ADAM10: variants seen among roughly 807,000 people sequenced by gnomAD.
ADAM10 encodes disintegrin and metalloproteinase domain-containing protein 10.
Under a neutral mutation model 90.1 loss-of-function variants are expected in ADAM10, and 17 were observed. The observed-to-expected ratio is 0.19, with a 90% CI of 0.13 to 0.28. ADAM10 has a LOEUF of 0.28. Among genes scored for constraint, ADAM10 ranks in the 10% least tolerant of loss-of-function variants. The probability of loss-of-function intolerance (pLI) is 1.00; values close to 1 mark genes in which losing one functional copy is unlikely to be tolerated. For synonymous variants in ADAM10, 310 were observed against 298.6 expected (o/e 1.04, Z -0.40); for missense variants, 610 against 914.3 (o/e 0.67, Z 4.29).
At chr15:58,605,957 T>TA (rs1303078505) in intron 14 of ADAM10, among the ~76,000 whole-genome samples, 4 of 151,870 alleles carry the variant, frequency 2.6e-5, no homozygotes, top group Non-Finnish European at 5.9e-5. Context: ...AAGTATCATC[T>TA]AAAAAAAAGT....
chr15:58,655,717 A>AGTGTGTGTG (rs1316558058), intron 5 of ADAM10, among the ~76,000 whole-genome samples: 4 of 55,458 alleles, frequency 7.2e-5, no homozygotes, highest in Non-Finnish European at 1.2e-4. Flanking sequence ...TATAGTATAT[A>AGTGTGTGTG]TATATATATA....
chr15:58,641,019 T>A, intron 7 of ADAM10, 59 bp from the exon 8 acceptor site: 2 of 1,471,402 alleles, frequency 1.4e-6, no homozygotes, highest in Non-Finnish European at 1.9e-6. Flanking sequence ...TTAGTGTGAA[T>A]GTCTGCTCAC....
chr15:58,726,687 T>C (rs1334989671), intron 1 of ADAM10, among the ~76,000 whole-genome samples: 1 of 145,120 alleles, frequency 6.9e-6, no homozygotes, highest in Non-Finnish European at 1.5e-5. Context: ...AACTCAGCCA[T>C]ATGAATAATT....
At chr15:58,655,678 A>ATATAC (rs1896793029) in intron 5 of ADAM10, among the ~76,000 whole-genome samples, 1 of 103,916 alleles carries the variant, frequency 9.6e-6, no homozygotes, top group Non-Finnish European at 1.7e-5. Context: ...ACATACATAC[A>ATATAC]TATATATATT....
At chr15:58,680,131 T>TTTTGC in intron 3 of ADAM10, among the ~76,000 whole-genome samples, 1 of 152,224 alleles carries the variant, frequency 6.6e-6, no homozygotes, top group East Asian at 1.9e-4. Context: ...TTTTGTTTTG[T>TTTTGC]TTTGCTTTTG....
chr15:58,712,790 C>T (rs933248458), intron 2 of ADAM10, among the ~76,000 whole-genome samples: 11 of 152,104 alleles, frequency 7.2e-5, no homozygotes, highest in African/African-American at 2.2e-4. Flanking sequence ...CCCCCCACTG[C>T]ACTCCAGCCT....
At chr15:58,728,855 C>T (rs1273165885) in intron 1 of ADAM10, among the ~76,000 whole-genome samples, 1 of 152,106 alleles carries the variant, frequency 6.6e-6, no homozygotes, top group African/African-American at 2.4e-5. Context: ...ATTCAATATT[C>T]CTACATAACT....
At chr15:58,657,893 T>G (rs1328966989) in intron 5 of ADAM10, among the ~76,000 whole-genome samples, 4 of 151,674 alleles carry the variant, frequency 2.6e-5, no homozygotes, top group Admixed American at 6.6e-5. Context: ...TTTGTGTTTT[T>G]TTTTTTTTCT....
At chr15:58,745,282 TG>T (rs1170917920) in intron 1 of ADAM10, among the ~76,000 whole-genome samples, 3 of 152,246 alleles carry the variant, frequency 2.0e-5, no homozygotes, top group Non-Finnish European at 4.4e-5. Context: ...AGCTAATTGC[TG>T]AAGTTATTGT....
intron 3 of ADAM10, 52 bp downstream of exon 3, chr15:58,682,144 T>C: frequency 6.2e-7 from 1 of 1,601,142 alleles, no homozygotes; most frequent in South Asian, 1.1e-5. Context: ...TGAGTATCTT[T>C]GTGTAGAAAA....
At chr15:58,717,529 AT>A in intron 2 of ADAM10, 47 bp downstream of exon 2, 1 of 1,608,130 alleles carries the variant, frequency 6.2e-7, no homozygotes. Context: ...TTTAACTTAG[AT>A]TGAATATAGA....
At chr15:58,706,552 T>C (rs1595639544) in intron 2 of ADAM10, among the ~76,000 whole-genome samples, 1 of 151,936 alleles carries the variant, frequency 6.6e-6, no homozygotes, top group African/African-American at 2.4e-5. Context: ...CTTTTTAAAA[T>C]AGAAAAGTCA....
intron 11 of ADAM10, among the ~76,000 whole-genome samples, chr15:58,613,341 G>C (rs1025290959): frequency 5.3e-5 from 8 of 152,078 alleles, no homozygotes; most frequent in Non-Finnish European, 1.2e-4. Context: ...ATTTAGATGA[G>C]ACGACTGTTC....
rs572021347 is a variant in ADAM10 at position 58,735,926 on chromosome 15, G to A, written c.55+13554C>T. On this transcript the variant is annotated intron_variant, in intron 1 of 15. Coordinates refer to ENST00000260408, the MANE Select transcript of ADAM10 (RefSeq NM_001110.4). ...GCATTTTCACATAAAGACTTTAACA[G>A]TGGAGAAATACATGCTACCTGACAA... Among the ~76,000 whole-genome samples, 69 of 152,246 alleles carry A rather than the reference G, an allele frequency of 4.5e-4. No individual in the cohort carries two copies. The South Asian group carries it at 5.6e-3, about 12-fold the overall frequency.
chr15:58,680,926 T>C (rs1408397426), intron 3 of ADAM10, among the ~76,000 whole-genome samples: 2 of 152,060 alleles, frequency 1.3e-5, no homozygotes, highest in Non-Finnish European at 2.9e-5. Flanking sequence ...TCAGCAATCC[T>C]CCCACGTCAG....
intron 5 of ADAM10, 85 bp from the exon 6 acceptor site, chr15:58,646,289 T>G: frequency 7.4e-7 from 1 of 1,355,924 alleles, no homozygotes. Context: ...TATAAACAAT[T>G]TCATATTCTG....
At chr15:58,707,382 T>TA (rs11315040) in intron 2 of ADAM10, 181 of 139,300 alleles carry the variant, frequency 1.3e-3, no homozygotes, top group Middle Eastern at 0.011. Context: ...AGACTCCATC[T>TA]AAAAAAAAAA....
At chr15:58,642,729 T>C (rs1420719488) in intron 7 of ADAM10, among the ~76,000 whole-genome samples, 1 of 152,238 alleles carries the variant, frequency 6.6e-6, no homozygotes, top group Non-Finnish European at 1.5e-5. Context: ...TTTTCATTAC[T>C]TGCATTTTAT....
intron 2 of ADAM10, among the ~76,000 whole-genome samples, chr15:58,703,354 A>G (rs188092537): frequency 7.2e-4 from 110 of 152,006 alleles, no homozygotes; most frequent in African/African-American, 2.5e-3. Context: ...ACTTGTAGGT[A>G]TATACCCAAA....
Sources: gnomAD v4.1 joint callset for allele counts (sites outside exome capture counted in the v4.1 genomes callset) on GRCh38, gnomAD v4.1.1 for gene constraint, MANE v1.5 for transcripts, NCBI Gene and HGNC (gene_info 2026-07-23, HGNC 2026-07-21) for gene names.